The following CYP3A43 variants were observed in gnomAD, a reference collection of about 807,000 sequenced individuals.
CYP3A43 encodes the protein cytochrome P450 family 3 subfamily A member 43.
CYP3A43 carries 45 observed loss-of-function variants against 58.0 expected under a neutral mutation model. The ratio of observed to expected loss-of-function variants is 0.78; its 90% CI spans 0.61 to 0.99. The LOEUF (loss-of-function observed/expected upper bound fraction) is 0.99, where lower values mean the gene tolerates loss of function less well. CYP3A43 is among the 50% of genes least tolerant of loss of function. The pLI, the probability that CYP3A43 is intolerant of heterozygous loss-of-function variation, is 0.00. For synonymous variants in CYP3A43, 191 were observed against 201.4 expected (o/e 0.95, Z 0.44); for missense variants, 593 against 591.9 (o/e 1.00, Z -0.02).
At chr7:99,846,018 C>A (rs1316154249) in intron 4 of CYP3A43, among the ~76,000 whole-genome samples, 1 of 151,966 alleles carries the variant, frequency 6.6e-6, no homozygotes, top group Non-Finnish European at 1.5e-5. Flanking sequence ...CACAGGTGAT[C>A]CACCTGCCTG....
chr7:99,860,337 C>T (rs928242211), intron 10 of CYP3A43, among the ~76,000 whole-genome samples: 9 of 152,170 alleles, frequency 5.9e-5, no homozygotes, highest in Admixed American at 1.3e-4. Flanking sequence ...TGGCTGGACT[C>T]GCTGTGGTCT....
In CYP3A43 at chr7:99,849,714, A is replaced by G; in HGVS notation, c.670+20A>G. ...TAATATGTATGTGGACTTTTATGTT[A>G]TTTCTCTCTCTCTCTCTCTCTCATC... On this transcript the variant is annotated intron_variant, in intron 7 of 12. Coordinates refer to ENST00000354829, the MANE Select transcript of CYP3A43 (RefSeq NM_057095.3). 1 of 1,524,818 alleles carries G rather than the reference A, an allele frequency of 6.6e-7. No individual in the cohort carries two copies. Among genetic ancestry groups the G allele is most frequent in the Non-Finnish European group, 8.7e-7 (1 of 1,145,016 alleles). The allele number at this position is 1,524,818 out of a possible 1,614,324, so 94.5% of individuals were successfully genotyped here. A position where few individuals can be genotyped will look rare whatever the true frequency, so the allele number is the denominator to read the frequency against.
intron 3 of CYP3A43, among the ~76,000 whole-genome samples, chr7:99,843,685 C>T (rs921081568): frequency 6.6e-6 from 1 of 152,000 alleles, no homozygotes; most frequent in Non-Finnish European, 1.5e-5. Context: ...AGGCTTGTCT[C>T]GAACTCCTGA....
intron 3 of CYP3A43, among the ~76,000 whole-genome samples, chr7:99,839,898 C>T (rs2151596956): frequency 6.6e-6 from 1 of 152,280 alleles, no homozygotes; most frequent in African/African-American, 2.4e-5. Flanking sequence ...AAGTTGGCTG[C>T]CCCACCCTAA....
chr7:99,846,965 AT>A (rs1446237329), intron 4 of CYP3A43, among the ~76,000 whole-genome samples: 1 of 152,096 alleles, frequency 6.6e-6, no homozygotes, highest in Non-Finnish European at 1.5e-5. Flanking sequence ...ATGTAATTGC[AT>A]TGTTTCTTCA....
Position 99,859,963 on chromosome 7 carries a change from G to A in CYP3A43, c.999G>A (p.Glu333=). 1 of 1,610,682 alleles carries A rather than the reference G, an allele frequency of 6.2e-7. No individual in the cohort carries two copies. Among genetic ancestry groups the A allele is most frequent in the Non-Finnish European group, 8.5e-7 (1 of 1,178,410 alleles). The change falls in exon 10 of 13, where the codon GAG becomes GAA. Residue 333 remains glutamate (E), a synonymous_variant. Coordinates refer to ENST00000354829, the MANE Select transcript of CYP3A43 (RefSeq NM_057095.3). ...CTGATGTCCAGCAGAAACTGCAGGA[G>A]GAGATTGACGCAGTTTTACCCAATA... ...THPDVQQKLQ[E]EIDAVLPNKA...
At chr7:99,853,578 T>C (rs1055386940) in intron 7 of CYP3A43, among the ~76,000 whole-genome samples, 2 of 152,196 alleles carry the variant, frequency 1.3e-5, no homozygotes, top group South Asian at 2.1e-4. Flanking sequence ...TTTTTTGAGA[T>C]GGACTTTTGC....
rs1304027230 is a variant in CYP3A43 at position 99,863,944 on chromosome 7, C to G, written c.1416+245C>G. On this transcript the variant is annotated intron_variant, in intron 12 of 12. Transcript: ENST00000354829. ...TTAGCATGGTATAATTATGTTCAGT[C>G]TCTGTGAACTTGAGCAAATTTTAAA... Among the ~76,000 whole-genome samples, 3 of 148,406 alleles carry G rather than the reference C, an allele frequency of 2.0e-5. 1 individual carries two copies. Among genetic ancestry groups the G allele is most frequent in the African/African-American group, 7.9e-5 (3 of 37,860 alleles).
chr7:99,828,177 T>C lies in CYP3A43; in HGVS notation c.62T>C (p.Leu21Pro), dbSNP rs2151583015. ...TWVLVATSLV[L>P]LYIYGTHSHK... is the part of the protein sequence containing the mutation. Reference sequence around the variant, plus strand: ...GTTCTTGTGGCTACCAGCCTGGTACTCCTCTATATGTGAGTAACTATGCAG... The same window carrying C: ...GTTCTTGTGGCTACCAGCCTGGTACCCCTCTATATGTGAGTAACTATGCAG... Residue 21 changes from leucine (L) to proline (P), a missense_variant, in exon 1 of 13, where the codon CTC becomes CCC. Coordinates refer to ENST00000354829, the MANE Select transcript of CYP3A43 (RefSeq NM_057095.3). 4 of 1,612,400 alleles carry C rather than the reference T, an allele frequency of 2.5e-6. No homozygotes were observed. The highest frequency in any genetic ancestry group is 1.3e-5 in the African/African-American group (1 of 75,014).
chr7:99,838,614 T>G lies in CYP3A43; in HGVS notation c.166-506T>G, dbSNP rs527237636. On this transcript the variant is annotated intron_variant, in intron 2 of 12. Coordinates refer to ENST00000354829, the MANE Select transcript of CYP3A43 (RefSeq NM_057095.3). ...AATATCTACACTAGTTAGAGAAAAT[T>G]TAAAAGTGACTTTAAATTCTCCATT... 5.3e-5 allele frequency: 66 copies of G among 1,249,668 alleles called. 2 individuals carry two copies. The South Asian group carries it at 7.9e-4, about 15-fold the overall frequency. 77.4% of individuals were successfully genotyped at this position (1,249,668 alleles called of 1,614,324 possible).
chr7:99,861,790 C>T lies in CYP3A43; in HGVS notation c.1204C>T (p.His402Tyr), dbSNP rs1471372380. 6.2e-7 allele frequency: 1 copy of T among 1,614,176 alleles called. No individual in the cohort carries two copies. The highest frequency in any genetic ancestry group is 1.7e-5 in the Admixed American group (1 of 60,030). ...AGTGATGGTTCCAATCTATGCTCTT[C>T]ACCATGACCCAAAGTACTGGACAGA... Reference protein sequence around the residue: ...LAVMVPIYALHHDPKYWTEPE... With the variant: ...LAVMVPIYALYHDPKYWTEPE... The change falls in exon 11 of 13, where the codon CAC (histidine) becomes TAC (tyrosine). Residue 402 changes from histidine to tyrosine, a missense_variant. Physicochemically the swap from His to Tyr is moderately conservative, Grantham distance 83. Transcript: ENST00000354829.
chr7:99,833,103 C>T (rs1267144164), intron 1 of CYP3A43, among the ~76,000 whole-genome samples: 1 of 152,184 alleles, frequency 6.6e-6, no homozygotes, highest in African/African-American at 2.4e-5. Flanking sequence ...ATGCAGACTT[C>T]AGCTGCTTTT....
chr7:99,849,755 GT>G, intron 7 of CYP3A43, 61 bp downstream of exon 7: 2 of 1,461,554 alleles, frequency 1.4e-6, no homozygotes, highest in Non-Finnish European at 1.8e-6. Context: ...TTTAAAAACA[GT>G]TTTATTGAAA....
At chr7:99,849,395 A>G in intron 6 of CYP3A43, 151 bp from the exon 7 acceptor site, 1 of 905,242 alleles carries the variant, frequency 1.1e-6, no homozygotes, top group Admixed American at 3.3e-5. Flanking sequence ...TAAATGCCTC[A>G]TGAGTATGAT....
Position 99,861,671 on chromosome 7 carries a change from A to C in CYP3A43, c.1085A>C (p.Glu362Ala). ...QMEYLDMVVN[E>A]TLRLFPVVSR... ...GAGTACCTTGACATGGTGGTGAATG[A>C]AACGCTCAGATTATTCCCAGTTGTT... Residue 362 changes from glutamate to alanine, a missense_variant, in exon 11 of 13, where the codon GAA becomes GCA. Transcript: ENST00000354829. The C allele has an allele frequency of 6.2e-7, 1 of 1,614,184 alleles. No homozygotes were observed. The highest frequency in any genetic ancestry group is 1.7e-5 in the Admixed American group (1 of 60,030).
chr7:99,837,711 A>T (rs1817153338), intron 2 of CYP3A43, among the ~76,000 whole-genome samples: 1 of 152,246 alleles, frequency 6.6e-6, no homozygotes, highest in Admixed American at 6.5e-5. Flanking sequence ...TGACAAACTT[A>T]TTCAAAATTT....
At chr7:99,848,079 T>G in intron 5 of CYP3A43, 87 bp from the exon 6 acceptor site, 1 of 1,311,710 alleles carries the variant, frequency 7.6e-7, no homozygotes, top group Non-Finnish European at 1.1e-6. Flanking sequence ...CATTACAAAA[T>G]ATCATTTACT....
At chr7:99,840,319 CCAGCCCTGTCATTGAGTTCTGTTGACT>C (rs1307916410) in intron 3 of CYP3A43, among the ~76,000 whole-genome samples, 2 of 152,174 alleles carry the variant, frequency 1.3e-5, no homozygotes, top group African/African-American at 4.8e-5. Flanking sequence ...GCCCTATAAA[CCAGCCCTGTCATTGAGTTCTGTTGACT>C]CACACCTTGA....
chr7:99,847,306 A>G (rs190148779), intron 4 of CYP3A43, among the ~76,000 whole-genome samples, 182 bp from the exon 5 acceptor site: 1 of 152,010 alleles, frequency 6.6e-6, no homozygotes, highest in African/African-American at 2.4e-5. Flanking sequence ...CCCCTTCCAT[A>G]TGCTTACAGG....
Sources: allele counts gnomAD v4.1 joint callset (sites outside exome capture counted in the v4.1 genomes callset), GRCh38; gene constraint gnomAD v4.1.1; transcripts MANE v1.5; gene names NCBI Gene and HGNC (gene_info 2026-07-23, HGNC 2026-07-21).